The following SPAG16 variants were observed in gnomAD, a reference collection of about 807,000 sequenced individuals.
SPAG16 encodes sperm associated antigen 16, also known as sperm-associated antigen 16 protein.
Under a neutral mutation model 80.4 loss-of-function variants are expected in SPAG16, and 86 were observed. That is an observed-to-expected ratio of 1.07 (90% CI 0.90 to 1.28). The LOEUF (loss-of-function observed/expected upper bound fraction) is 1.28, where lower values mean the gene tolerates loss of function less well. Among genes scored for constraint, SPAG16 ranks in the 50% most tolerant of loss-of-function variants. The pLI, the probability that SPAG16 is intolerant of heterozygous loss-of-function variation, is 0.00. For synonymous variants in SPAG16, 294 were observed against 265.9 expected (o/e 1.11, Z -1.03); for missense variants, 870 against 765.3 (o/e 1.14, Z -1.61).
chr2:214,177,916 C>CATATATATATATATACATATATAT (rs2057154848), intron 15 of SPAG16, among the ~76,000 whole-genome samples: 1 of 92,204 alleles, frequency 1.1e-5, no homozygotes, highest in Non-Finnish European at 2.1e-5. Context: ...TATATATATA[C>CATATATATATATATACATATATAT]ATATATATAT....
chr2:213,926,757 G>A (rs11887348), intron 11 of SPAG16, among the ~76,000 whole-genome samples: 51,970 of 151,798 alleles, frequency 0.34, 9,348 homozygotes, highest in South Asian at 0.47. Context: ...GTGTCCTTCA[G>A]GGTATTTGTT....
chr2:213,701,644 C>A (rs2065427522), intron 10 of SPAG16, among the ~76,000 whole-genome samples: 1 of 152,200 alleles, frequency 6.6e-6, no homozygotes, highest in Admixed American at 6.5e-5. Flanking sequence ...GCAGCTCCAC[C>A]CGCAGCCCTG....
chr2:214,083,465 G>T (rs1247423550), intron 13 of SPAG16, among the ~76,000 whole-genome samples: 1 of 152,028 alleles, frequency 6.6e-6, no homozygotes, highest in Non-Finnish European at 1.5e-5. Flanking sequence ...TTAGATTTGG[G>T]TTTCCAATCT....
rs552936080 is a variant in SPAG16 at position 214,044,391 on chromosome 2, A to C, written c.1527+30314A>C. On this transcript the variant is annotated intron_variant, in intron 13 of 15. Coordinates refer to ENST00000331683, the MANE Select transcript of SPAG16 (RefSeq NM_024532.5). ...TCCCAATCAACAGAGTTGCTTATAG[A>C]CACTCTCTGAAGTCACGTCCACCCC... 8.3e-4 allele frequency among the ~76,000 whole-genome samples: 127 copies of C among 152,296 alleles called. 1 individual carries two copies. Among genetic ancestry groups the C allele is most frequent in the African/African-American group, 3.0e-3 (123 of 41,566 alleles).
chr2:213,504,841 A>G (rs2074901942), intron 10 of SPAG16, among the ~76,000 whole-genome samples: 1 of 152,216 alleles, frequency 6.6e-6, no homozygotes, highest in Non-Finnish European at 1.5e-5. Flanking sequence ...TGCAAAATGC[A>G]TACATTTATA....
At chr2:213,715,615 T>C (rs541862998) in intron 10 of SPAG16, among the ~76,000 whole-genome samples, 37 of 152,170 alleles carry the variant, frequency 2.4e-4, no homozygotes, top group Non-Finnish European at 4.9e-4. Context: ...ATGATTCTTG[T>C]GAAGAGATTA....
intron 10 of SPAG16, among the ~76,000 whole-genome samples, chr2:213,708,334 C>T (rs2065843257): frequency 6.6e-6 from 1 of 152,132 alleles, no homozygotes; most frequent in East Asian, 1.9e-4. Context: ...TACTGCATAC[C>T]ATTTATAGAA....
intron 10 of SPAG16, among the ~76,000 whole-genome samples, chr2:213,608,957 A>G (rs1339932992): frequency 6.6e-6 from 1 of 152,270 alleles, no homozygotes; most frequent in Non-Finnish European, 1.5e-5. Flanking sequence ...TACTGGGATT[A>G]CAGGCGTGAG....
intron 10 of SPAG16, among the ~76,000 whole-genome samples, chr2:213,732,767 G>A (rs1373117078): frequency 6.6e-6 from 1 of 152,056 alleles, no homozygotes; most frequent in African/African-American, 2.4e-5. Context: ...GTGATTTATA[G>A]TTCTCCTTGA....
At chr2:213,929,004 T>C (rs867106792) in intron 11 of SPAG16, among the ~76,000 whole-genome samples, 203 of 11,714 alleles carry the variant, frequency 0.017, 4 homozygotes, top group Admixed American at 0.036. Flanking sequence ...TCTTTTCTTT[T>C]TTTTTTTTTT....
chr2:213,325,827 C>T (rs1002127573), intron 5 of SPAG16, among the ~76,000 whole-genome samples: 6 of 151,854 alleles, frequency 4.0e-5, no homozygotes, highest in Non-Finnish European at 8.8e-5. Flanking sequence ...ATTTTCAGTT[C>T]CATATAATAG....
At chr2:213,990,914 G>C (rs2046247045) in intron 12 of SPAG16, among the ~76,000 whole-genome samples, 1 of 152,158 alleles carries the variant, frequency 6.6e-6, no homozygotes, top group South Asian at 2.1e-4. Context: ...GAACTTGACT[G>C]ATGGAAACAG....
intron 15 of SPAG16, among the ~76,000 whole-genome samples, chr2:214,385,610 G>A (rs1048438043): frequency 3.9e-5 from 6 of 152,196 alleles, no homozygotes; most frequent in Admixed American, 2.0e-4. Context: ...TTGGGAGGCC[G>A]AGGCAGGTGG....
chr2:213,521,931 T>C (rs1055144070), intron 10 of SPAG16, among the ~76,000 whole-genome samples: 5 of 152,238 alleles, frequency 3.3e-5, no homozygotes, highest in African/African-American at 1.2e-4. Context: ...CAATGAAGCA[T>C]AGCAATATCT....
intron 11 of SPAG16, among the ~76,000 whole-genome samples, chr2:213,879,325 C>T (rs530081737): frequency 1.3e-5 from 2 of 151,412 alleles, no homozygotes; most frequent in East Asian, 2.0e-4. Context: ...TTTCTTTCAT[C>T]GGTGTTTTGT....
At chr2:214,015,336 C>A (rs979134392) in intron 13 of SPAG16, among the ~76,000 whole-genome samples, 9 of 152,106 alleles carry the variant, frequency 5.9e-5, no homozygotes, top group Admixed American at 4.6e-4. Flanking sequence ...CAGTGGCTCA[C>A]GCCTGTAATC....
intron 4 of SPAG16, among the ~76,000 whole-genome samples, chr2:213,312,641 G>T (rs555052621): frequency 2.1e-4 from 32 of 151,042 alleles, no homozygotes; most frequent in Non-Finnish European, 3.7e-4. Flanking sequence ...TGGCCTATTC[G>T]CACCATTTCA....
chr2:213,764,356 C>T (rs1365081063), intron 10 of SPAG16, among the ~76,000 whole-genome samples: 4 of 150,056 alleles, frequency 2.7e-5, no homozygotes. Context: ...GCATGGGTGA[C>T]ATTAGGAACA....
At chr2:213,299,430 C>T (rs530547673) in intron 3 of SPAG16, among the ~76,000 whole-genome samples, 36 of 89,556 alleles carry the variant, frequency 4.0e-4, no homozygotes, top group South Asian at 1.0e-3. Context: ...GCCACCACAC[C>T]GAGCTAATTT....
Sources: gnomAD v4.1 joint callset for allele counts (sites outside exome capture counted in the v4.1 genomes callset) on GRCh38, gnomAD v4.1.1 for gene constraint, MANE v1.5 for transcripts, NCBI Gene and HGNC (gene_info 2026-07-23, HGNC 2026-07-21) for gene names.